CCSER2: variants seen among roughly 807,000 people sequenced by gnomAD.
The protein encoded by CCSER2 is coiled-coil serine rich protein 2, also known as serine-rich coiled-coil domain-containing protein 2.
Under a neutral mutation model 92.3 loss-of-function variants are expected in CCSER2, and 46 were observed. The observed-to-expected ratio is 0.50, with a 90% CI of 0.39 to 0.64. The LOEUF (loss-of-function observed/expected upper bound fraction) is 0.64. Among genes scored for constraint, CCSER2 ranks in the 30% least tolerant of loss-of-function variants. The pLI is 0.00. For missense variants in CCSER2, 1,244 were observed against 1,238.9 expected (o/e 1.00, Z -0.06); for synonymous variants, 433 against 431.4 (o/e 1.00, Z -0.04).
chr10:84,350,205 A>G lies in CCSER2; in HGVS notation c.-39-20809A>G, dbSNP rs1196833951. Among the ~76,000 whole-genome samples the G allele has an allele frequency of 2.6e-5, 4 of 152,152 alleles. No homozygotes were observed. The South Asian group carries it at 8.3e-4, about 32-fold the overall frequency. On this transcript the variant is annotated intron_variant, in intron 1 of 9. Transcript: ENST00000372088. Reference sequence around the variant, plus strand: ...ATCAGATCGCATCACGCTCGTTTATACATTAAGTGGCTTTCCACTGCGCCA... The same window carrying G: ...ATCAGATCGCATCACGCTCGTTTATGCATTAAGTGGCTTTCCACTGCGCCA...
chr10:84,371,755 C>G lies in CCSER2; in HGVS notation c.703C>G (p.Pro235Ala), dbSNP rs1337825020. The G allele has an allele frequency of 2.5e-6, 4 of 1,613,368 alleles. No individual in the cohort carries two copies. The African/African-American group carries it at 5.3e-5, about 22-fold the overall frequency. Residue 235 changes from proline to alanine, a missense_variant, in exon 2 of 10, where the codon CCT (proline) becomes GCT (alanine). Coordinates refer to ENST00000372088, the MANE Select transcript of CCSER2 (RefSeq NM_001284240.2). ...TTCCATTCAGAATTCATTCCTTCCA[C>G]CTTCATCTATAACCAGATCACATTC... ...SHSIQNSFLP[P>A]SSITRSHSFN...
chr10:84,405,357 G>A (rs766100721), intron 3 of CCSER2, among the ~76,000 whole-genome samples: 5 of 150,200 alleles, frequency 3.3e-5, no homozygotes. Flanking sequence ...ATTGTGAAGT[G>A]TAAAACTGTA....
At chr10:84,340,147 C>T (rs1844093411) in intron 1 of CCSER2, among the ~76,000 whole-genome samples, 1 of 152,166 alleles carries the variant, frequency 6.6e-6, no homozygotes, top group Non-Finnish European at 1.5e-5. Flanking sequence ...CTGGCCATCA[C>T]TTTATCTTTT....
In CCSER2 at chr10:84,371,627, C is replaced by T; in HGVS notation, c.575C>T (p.Ser192Phe). The T allele has an allele frequency of 6.2e-7, 1 of 1,613,492 alleles. No homozygotes were observed. Among genetic ancestry groups the T allele is most frequent in the South Asian group, 1.1e-5 (1 of 91,042 alleles). ...AGSMQRPRAN[S>F]CATRSSSGES... ...AGCATGCAAAGGCCTAGAGCGAACT[C>T]CTGTGCCACCAGAAGCAGTTCTGGA... is the stretch of plus-strand genomic sequence containing the variant. Residue 192 changes from serine to phenylalanine, a missense_variant, in exon 2 of 10, where the codon TCC (serine) becomes TTC (phenylalanine). By Grantham distance (155) the Ser-to-Phe change is radical. Transcript: ENST00000372088.
chr10:84,343,353 A>G (rs890557750), intron 1 of CCSER2, among the ~76,000 whole-genome samples: 4 of 152,160 alleles, frequency 2.6e-5, no homozygotes, highest in African/African-American at 9.7e-5. Flanking sequence ...TTTGTGAGGT[A>G]TCTCTTCTCT....
At chr10:84,358,273 T>A (rs1201903253) in intron 1 of CCSER2, among the ~76,000 whole-genome samples, 1 of 152,160 alleles carries the variant, frequency 6.6e-6, no homozygotes, top group African/African-American at 2.4e-5. Context: ...TTCAGAGAGT[T>A]GGCTTCTGCA....
chr10:84,495,197 G>C (rs893053306), intron 9 of CCSER2, among the ~76,000 whole-genome samples: 6 of 142,996 alleles, frequency 4.2e-5, no homozygotes, highest in Non-Finnish European at 6.0e-5. Context: ...TTTCTCTTGA[G>C]ACTTCCTCTC....
chr10:84,349,886 G>A (rs1844766267), intron 1 of CCSER2, among the ~76,000 whole-genome samples: 1 of 152,120 alleles, frequency 6.6e-6, no homozygotes, highest in South Asian at 2.1e-4. Flanking sequence ...AGGTGCAGTG[G>A]CTCACGCCTG....
chr10:84,353,726 G>A (rs142637099), intron 1 of CCSER2, among the ~76,000 whole-genome samples: 283 of 152,202 alleles, frequency 1.9e-3, no homozygotes, highest in African/African-American at 4.5e-3. Flanking sequence ...CAGAACTTCT[G>A]CCTTCTTTTC....
intron 6 of CCSER2, among the ~76,000 whole-genome samples, chr10:84,458,650 T>G (rs1845917216): frequency 6.6e-6 from 1 of 152,180 alleles, no homozygotes; most frequent in South Asian, 2.1e-4. Context: ...TATTTAATCT[T>G]TCCATTCATG....
intron 1 of CCSER2, among the ~76,000 whole-genome samples, chr10:84,369,770 T>C (rs1277008814): frequency 6.6e-6 from 1 of 152,168 alleles, no homozygotes. Context: ...CTTCTAGCAT[T>C]TTTATGGTTT....
intron 3 of CCSER2, among the ~76,000 whole-genome samples, chr10:84,409,871 G>A (rs1243699074): frequency 6.6e-6 from 1 of 152,118 alleles, no homozygotes; most frequent in Non-Finnish European, 1.5e-5. Flanking sequence ...CAGGTATTAA[G>A]CCCAGCATCC....
chr10:84,401,615 A>G (rs183843157), intron 3 of CCSER2, among the ~76,000 whole-genome samples: 24 of 152,362 alleles, frequency 1.6e-4, no homozygotes, highest in South Asian at 1.4e-3. Flanking sequence ...TAATGAAGAA[A>G]TAACAGTAAT....
At chr10:84,393,341 CGTG>C (rs1841635407) in intron 3 of CCSER2, among the ~76,000 whole-genome samples, 1 of 152,050 alleles carries the variant, frequency 6.6e-6, no homozygotes, top group Non-Finnish European at 1.5e-5. Context: ...ATTTAAATTA[CGTG>C]GTAAAAGATG....
At chr10:84,369,513 AT>A (rs1451560190) in intron 1 of CCSER2, among the ~76,000 whole-genome samples, 1 of 151,112 alleles carries the variant, frequency 6.6e-6, no homozygotes, top group Non-Finnish European at 1.5e-5. Context: ...TGATGGGATT[AT>A]TTTTTTCCTT....
At chr10:84,463,889 A>G (rs2133671403) in intron 6 of CCSER2, 44 bp from the exon 7 acceptor site, 1 of 1,309,086 alleles carries the variant, frequency 7.6e-7, no homozygotes, top group Non-Finnish European at 1.1e-6. Flanking sequence ...AATGTCCACA[A>G]TTACTATATT....
intron 9 of CCSER2, among the ~76,000 whole-genome samples, chr10:84,493,308 T>C (rs1165225913): frequency 2.0e-5 from 3 of 152,228 alleles, no homozygotes; most frequent in African/African-American, 7.2e-5. Flanking sequence ...ATATTCCTTA[T>C]TTCATTCTGA....
chr10:84,475,169 T>TA (rs1232176596), intron 8 of CCSER2, among the ~76,000 whole-genome samples: 1 of 151,862 alleles, frequency 6.6e-6, no homozygotes, highest in African/African-American at 2.4e-5. Flanking sequence ...AGATTTGAGT[T>TA]ACTTGTCCCT....
At chr10:84,418,217 A>G (rs1402977920) in intron 4 of CCSER2, among the ~76,000 whole-genome samples, 1 of 152,238 alleles carries the variant, frequency 6.6e-6, no homozygotes, top group Non-Finnish European at 1.5e-5. Flanking sequence ...CTTGTGAAAC[A>G]CTATAATATC....
Sources: allele counts gnomAD v4.1 joint callset (sites outside exome capture counted in the v4.1 genomes callset), GRCh38; gene constraint gnomAD v4.1.1; transcripts MANE v1.5; gene names NCBI Gene and HGNC (gene_info 2026-07-23, HGNC 2026-07-21).